The following C16orf78 variants were observed in gnomAD, a reference collection of about 807,000 sequenced individuals.
The protein encoded by C16orf78 is chromosome 16 open reading frame 78.
A neutral mutation model predicts 27.3 loss-of-function variants in C16orf78; 19 were observed. The observed-to-expected ratio is 0.70, with a 90% CI of 0.49 to 1.02. C16orf78 has a LOEUF of 1.02. Among genes scored for constraint, C16orf78 ranks in the 50% least tolerant of loss-of-function variants. The pLI is 0.00. For synonymous variants in C16orf78, 130 were observed against 116.1 expected (o/e 1.12, Z -0.77); for missense variants, 339 against 337.0 (o/e 1.01, Z -0.05).
At chr16:49,397,231 C>T (rs866122623) in intron 4 of C16orf78, among the ~76,000 whole-genome samples, 22 of 152,210 alleles carry the variant, frequency 1.4e-4, no homozygotes, top group African/African-American at 5.1e-4. Flanking sequence ...CAATGGACCC[C>T]AGATTCCCCC....
rs1161572125 is a variant in C16orf78, at chr16:49,373,889, A to T, written c.-51A>T. 6.2e-7 allele frequency: 1 copy of T among 1,606,212 alleles called. No homozygotes were observed. Among genetic ancestry groups the T allele is most frequent in the South Asian group, 1.1e-5 (1 of 89,426 alleles). ...CAAGTCCAGACAAAGGGATCGAAAG[A>T]GTGAGACAGTGCCAGCCACCTCCCA... On this transcript the variant is annotated 5_prime_UTR_variant, in exon 1 of 5. Coordinates refer to ENST00000299191, the MANE Select transcript of C16orf78 (RefSeq NM_144602.4).
chr16:49,387,377 A>G (rs1173069544), intron 3 of C16orf78, among the ~76,000 whole-genome samples: 5 of 151,528 alleles, frequency 3.3e-5, no homozygotes, highest in Non-Finnish European at 7.4e-5. Flanking sequence ...ATAGTTTGAA[A>G]TTTTTTTCTT....
At position 49,399,303 on chromosome 16, in the gene C16orf78, A is replaced by G. The variant is rs775827542; in HGVS notation, c.*25A>G. On this transcript the variant is annotated 3_prime_UTR_variant, in exon 5 of 5. Coordinates refer to ENST00000299191, the MANE Select transcript of C16orf78 (RefSeq NM_144602.4). ...AATAGCTCCTCTCGCCACCACCTTC[A>G]GGCTCCTTCTGTCATGGGACCCTTC... The G allele has an allele frequency of 2.5e-6, 4 of 1,612,386 alleles. No individual in the cohort carries two copies. Among genetic ancestry groups the G allele is most frequent in the African/African-American group, 1.3e-5 (1 of 74,884 alleles).
chr16:49,391,537 T>C (rs1014373620), intron 3 of C16orf78, among the ~76,000 whole-genome samples: 1 of 152,184 alleles, frequency 6.6e-6, no homozygotes, highest in Non-Finnish European at 1.5e-5. Flanking sequence ...CAATGTGGGC[T>C]CATGTCCTCG....
chr16:49,376,730 C>T (rs993187141), intron 1 of C16orf78, among the ~76,000 whole-genome samples: 1 of 152,014 alleles, frequency 6.6e-6, no homozygotes, highest in Non-Finnish European at 1.5e-5. Flanking sequence ...ACATGCATGT[C>T]GTAATTCAGT....
In C16orf78 at chr16:49,378,590, T is replaced by C; in HGVS notation, c.391T>C (p.Ser131Pro). 1 of 1,613,802 alleles carries C rather than the reference T, an allele frequency of 6.2e-7. No homozygotes were observed. The highest frequency in any genetic ancestry group is 8.5e-7 in the Non-Finnish European group (1 of 1,179,928). ...GSYIKDGPKK[S>P]DTDIKDAVDP... ...CTACATCAAGGATGGCCCCAAGAAA[T>C]CTGGTAAGGGAAAAACCTTGGCCCC... Residue 131 changes from serine (S) to proline (P), a missense_variant, in exon 3 of 5, where the codon TCT (serine) becomes CCT (proline). Coordinates refer to ENST00000299191, the MANE Select transcript of C16orf78 (RefSeq NM_144602.4).
chr16:49,390,952 C>T (rs1237004126), intron 3 of C16orf78, among the ~76,000 whole-genome samples: 1 of 152,192 alleles, frequency 6.6e-6, no homozygotes, highest in Non-Finnish European at 1.5e-5. Flanking sequence ...ACTCAAGGAT[C>T]ACTTCCCTGT....
chr16:49,399,001 A>T, intron 4 of C16orf78, 130 bp from the exon 5 acceptor site: 1 of 981,562 alleles, frequency 1.0e-6, no homozygotes, highest in South Asian at 1.6e-5. Context: ...AGCTCCATGG[A>T]TGACTGGGAG....
intron 3 of C16orf78, among the ~76,000 whole-genome samples, chr16:49,382,448 T>TA (rs999055765): frequency 2.7e-5 from 4 of 148,970 alleles, no homozygotes; most frequent in South Asian, 2.1e-4. Flanking sequence ...TAAATAAATT[T>TA]AAAAAAAAGA....
chr16:49,378,303 C>T (rs1965245421), intron 2 of C16orf78, among the ~76,000 whole-genome samples, 167 bp from the exon 3 acceptor site: 1 of 152,220 alleles, frequency 6.6e-6, no homozygotes. Flanking sequence ...CACCCGTGGG[C>T]AGACCCTGCC....
intron 3 of C16orf78, among the ~76,000 whole-genome samples, chr16:49,395,462 A>AG (rs1555496126): frequency 1.4e-4 from 11 of 81,304 alleles, no homozygotes; most frequent in East Asian, 9.0e-4. Context: ...TTTTTTTGCG[A>AG]TTTTTTTTTT....
At chr16:49,385,535 G>A (rs1965338818) in intron 3 of C16orf78, among the ~76,000 whole-genome samples, 1 of 151,740 alleles carries the variant, frequency 6.6e-6, no homozygotes, top group African/African-American at 2.4e-5. Flanking sequence ...GGTGGCATGC[G>A]CCTCAGCTAC....
At chr16:49,384,368 A>AAAAAG (rs1567391927) in intron 3 of C16orf78, among the ~76,000 whole-genome samples, 11 of 143,238 alleles carry the variant, frequency 7.7e-5, no homozygotes, top group East Asian at 2.0e-4. Context: ...AAAAAAAAAA[A>AAAAAG]GCAGAAAACT....
chr16:49,377,619 G>T lies in C16orf78; in HGVS notation c.151-112G>T. Reference sequence around the variant, plus strand: ...CAGGCCCTAGAGTGTGTGTGCTGAAGCCTGTGGAGGGGAGGGACAGCCCCT... The same window carrying T: ...CAGGCCCTAGAGTGTGTGTGCTGAATCCTGTGGAGGGGAGGGACAGCCCCT... On this transcript the variant is annotated intron_variant, in intron 1 of 4. Coordinates refer to ENST00000299191, the MANE Select transcript of C16orf78 (RefSeq NM_144602.4). 3 of 1,355,642 alleles carry T rather than the reference G, an allele frequency of 2.2e-6. No individual in the cohort carries two copies. In the South Asian group the frequency reaches 4.2e-5, roughly 19 times the overall value. The allele number at this position is 1,355,642 out of a possible 1,614,324, so 84.0% of individuals were successfully genotyped here.
chr16:49,376,995 C>A (rs956322714), intron 1 of C16orf78, among the ~76,000 whole-genome samples: 1 of 152,178 alleles, frequency 6.6e-6, no homozygotes, highest in Admixed American at 6.5e-5. Context: ...CCACCCCTAA[C>A]CCTTATAGAC....
At chr16:49,378,713 T>C in intron 3 of C16orf78, 120 bp downstream of exon 3, 1 of 1,444,730 alleles carries the variant, frequency 6.9e-7, no homozygotes. Flanking sequence ...CCAACCATTG[T>C]GCACACAGGA....
intron 1 of C16orf78, among the ~76,000 whole-genome samples, chr16:49,377,394 C>T (rs1050580061): frequency 3.3e-5 from 5 of 152,070 alleles, no homozygotes; most frequent in African/African-American, 1.2e-4. Flanking sequence ...GCAGGGAAGT[C>T]TGAGCTGGTA....
chr16:49,387,716 T>C (rs1965367382), intron 3 of C16orf78, among the ~76,000 whole-genome samples: 1 of 152,198 alleles, frequency 6.6e-6, no homozygotes, highest in Non-Finnish European at 1.5e-5. Flanking sequence ...GTAGGTTAAT[T>C]ACTGATTCAA....
chr16:49,390,190 C>T (rs1965395838), intron 3 of C16orf78, among the ~76,000 whole-genome samples: 1 of 152,224 alleles, frequency 6.6e-6, no homozygotes, highest in Non-Finnish European at 1.5e-5. Context: ...AAGAAAGGAG[C>T]TTATGATGTG....
Sources: allele counts gnomAD v4.1 joint callset (sites outside exome capture counted in the v4.1 genomes callset), GRCh38; gene constraint gnomAD v4.1.1; transcripts MANE v1.5; gene names NCBI Gene and HGNC (gene_info 2026-07-23, HGNC 2026-07-21).